ANKS1B: variants seen among roughly 807,000 people sequenced by gnomAD.
ANKS1B encodes the protein ankyrin repeat and sterile alpha motif domain containing 1B.
A neutral mutation model predicts 148.3 loss-of-function variants in ANKS1B; 36 were observed. The ratio of observed to expected loss-of-function variants is 0.24; its 90% CI spans 0.19 to 0.32. The LOEUF is 0.32. Ranked by LOEUF, ANKS1B falls within the 10% of genes least tolerant of loss-of-function variation. ANKS1B has a pLI of 1.00. For synonymous variants in ANKS1B, 542 were observed against 560.8 expected, an observed-to-expected ratio of 0.97 and a Z score of 0.47; for missense variants, 1,157 against 1,542.6, an observed-to-expected ratio of 0.75 and a Z score of 4.19.
At chr12:99,815,143 T>C (rs998233154) in intron 2 of ANKS1B, among the ~76,000 whole-genome samples, 5 of 151,782 alleles carry the variant, frequency 3.3e-5, no homozygotes, top group Non-Finnish European at 5.9e-5. Context: ...TCTATTTCCT[T>C]TTACTCTTGC....
rs551945074 is a variant in ANKS1B, at chr12:98,854,391, G to C, written c.2779-22255C>G. On this transcript the variant is annotated intron_variant, in intron 17 of 26. Coordinates refer to ENST00000683438, the MANE Select transcript of ANKS1B (RefSeq NM_001352186.2). ...ATCTACCACTGAAATAAATCCTTGA[G>C]ATTTAAAATGAGTAGATGATATTTA... Among the ~76,000 whole-genome samples, 5 of 152,298 alleles carry C rather than the reference G, an allele frequency of 3.3e-5. No individual in the cohort carries two copies. The South Asian group carries it at 1.0e-3, about 32-fold the overall frequency.
At chr12:98,994,837 G>C (rs183704829) in intron 17 of ANKS1B, among the ~76,000 whole-genome samples, 56 of 152,210 alleles carry the variant, frequency 3.7e-4, no homozygotes, top group Middle Eastern at 3.4e-3. Flanking sequence ...TAATGACCTC[G>C]CTTTTGCTTA....
intron 10 of ANKS1B, among the ~76,000 whole-genome samples, chr12:99,454,025 C>T (rs544595623): frequency 3.9e-5 from 6 of 152,268 alleles, no homozygotes; most frequent in East Asian, 3.9e-4. Context: ...GAGGGAGAAG[C>T]ATTCCAGGCA....
chr12:99,759,255 C>T (rs1336885756), intron 8 of ANKS1B, among the ~76,000 whole-genome samples: 14 of 151,820 alleles, frequency 9.2e-5, no homozygotes, highest in Admixed American at 9.2e-4. Flanking sequence ...AGAATTCTGG[C>T]AAAGCCATGT....
chr12:99,603,479 A>G (rs980512316), intron 9 of ANKS1B, among the ~76,000 whole-genome samples: 3 of 152,080 alleles, frequency 2.0e-5, no homozygotes, highest in Non-Finnish European at 4.4e-5. Flanking sequence ...TTGGCTCCAT[A>G]ATGTCAACCT....
intron 17 of ANKS1B, among the ~76,000 whole-genome samples, chr12:98,965,485 A>C (rs1291092004): frequency 6.6e-6 from 1 of 152,208 alleles, no homozygotes. Context: ...ATGATCTACT[A>C]GTTGAAATGA....
At chr12:99,501,151 T>A (rs1022288951) in intron 10 of ANKS1B, among the ~76,000 whole-genome samples, 1 of 152,152 alleles carries the variant, frequency 6.6e-6, no homozygotes, top group African/African-American at 2.4e-5. Flanking sequence ...CCAAAAAATA[T>A]CTTCAGGCTC....
intron 9 of ANKS1B, among the ~76,000 whole-genome samples, chr12:99,557,753 C>T (rs2097292704): frequency 6.6e-6 from 1 of 152,152 alleles, no homozygotes; most frequent in Admixed American, 6.5e-5. Flanking sequence ...TTTCAAGTTG[C>T]CAGAGTTCTT....
chr12:99,417,551 C>A (rs965615293), intron 11 of ANKS1B, among the ~76,000 whole-genome samples: 1 of 152,038 alleles, frequency 6.6e-6, no homozygotes, highest in African/African-American at 2.4e-5. Context: ...CGTATCTATG[C>A]AAATATTAGA....
chr12:99,451,788 T>TGTGTGC (rs1256200638), intron 10 of ANKS1B, among the ~76,000 whole-genome samples: 2 of 150,686 alleles, frequency 1.3e-5, no homozygotes, highest in African/African-American at 4.9e-5. Context: ...TACAGATACG[T>TGTGTGC]GTGTGTGTGT....
intron 14 of ANKS1B, among the ~76,000 whole-genome samples, chr12:99,182,815 C>G (rs2079288183): frequency 6.6e-6 from 1 of 152,124 alleles, no homozygotes; most frequent in Non-Finnish European, 1.5e-5. Flanking sequence ...ACGTCTTCAC[C>G]AGCATTTATT....
chr12:99,559,384 T>C (rs1021841858), intron 9 of ANKS1B, among the ~76,000 whole-genome samples: 1 of 152,244 alleles, frequency 6.6e-6, no homozygotes, highest in Non-Finnish European at 1.5e-5. Context: ...TTATGTCAAA[T>C]ACTTGTTCTA....
At chr12:98,905,626 G>A (rs2099777962) in intron 17 of ANKS1B, among the ~76,000 whole-genome samples, 1 of 151,986 alleles carries the variant, frequency 6.6e-6, no homozygotes, top group African/African-American at 2.4e-5. Flanking sequence ...TTAAAAATTA[G>A]CCTGGCATGG....
At chr12:99,121,875 G>A (rs61933380) in intron 15 of ANKS1B, among the ~76,000 whole-genome samples, 3,004 of 152,306 alleles carry the variant, frequency 0.02, 44 homozygotes, top group Middle Eastern at 0.034. Context: ...GAGCTGATAC[G>A]GGTGTTGGGG....
At chr12:99,045,981 G>A (rs1269865988) in intron 17 of ANKS1B, among the ~76,000 whole-genome samples, 1 of 152,158 alleles carries the variant, frequency 6.6e-6, no homozygotes, top group Non-Finnish European at 1.5e-5. Flanking sequence ...TGAGGAAATG[G>A]TATAAAATCA....
intron 9 of ANKS1B, among the ~76,000 whole-genome samples, chr12:99,624,564 A>G (rs2098090391): frequency 6.6e-6 from 1 of 152,048 alleles, no homozygotes; most frequent in African/African-American, 2.4e-5. Context: ...AAAGCAAATA[A>G]CCCCATTAAA....
At chr12:98,920,645 C>T (rs374676476) in intron 17 of ANKS1B, among the ~76,000 whole-genome samples, 17 of 152,316 alleles carry the variant, frequency 1.1e-4, no homozygotes, top group African/African-American at 4.1e-4. Context: ...TGGTCCCTCC[C>T]ACAACATGTG....
At chr12:98,739,585 T>A (rs1036628640), downstream of ANKS1B, among the ~76,000 whole-genome samples, 9 of 152,146 alleles carry the variant, frequency 5.9e-5, no homozygotes, top group Non-Finnish European at 1.0e-4. Context: ...TCATTTCAAA[T>A]TAGTGGCAGG....
Position 98,771,533 on chromosome 12 carries a change from G to C in ANKS1B, c.3579+1509C>G, listed in dbSNP as rs1381617232. Reference sequence around the variant, plus strand: ...CTGTCACCTGGGCTAGATGGCAGTGGTGTGATCACAGCTTACTGCAGCCTC... The same window carrying C: ...CTGTCACCTGGGCTAGATGGCAGTGCTGTGATCACAGCTTACTGCAGCCTC... On this transcript the variant is annotated intron_variant, in intron 25 of 26. Transcript: ENST00000683438. 5.9e-5 allele frequency among the ~76,000 whole-genome samples: 9 copies of C among 152,178 alleles called. No individual in the cohort carries two copies. In the East Asian group the frequency reaches 1.7e-3, roughly 29 times the overall value.
Sources: allele counts gnomAD v4.1 joint callset (sites outside exome capture counted in the v4.1 genomes callset), GRCh38; gene constraint gnomAD v4.1.1; transcripts MANE v1.5; gene names NCBI Gene and HGNC (gene_info 2026-07-23, HGNC 2026-07-21).